The following AGBL1 variants were observed in gnomAD, a reference collection of about 807,000 sequenced individuals.
AGBL1 encodes AGBL carboxypeptidase 1.
In AGBL1, 130 loss-of-function variants were observed where a neutral mutation model predicts 118.9. The observed-to-expected ratio is 1.09, with a 90% confidence interval of 0.95 to 1.26. The LOEUF (loss-of-function observed/expected upper bound fraction) is 1.26, where lower values mean the gene tolerates loss of function less well. Among genes scored for constraint, AGBL1 ranks in the 50% most tolerant of loss-of-function variants. AGBL1 has a pLI of 0.00. For synonymous variants in AGBL1, 555 were observed against 478.9 expected (o/e 1.16, Z -2.08); for missense variants, 1,584 against 1,298.1 (o/e 1.22, Z -3.38).
chr15:86,564,755 CT>C (rs2083886114), intron 21 of AGBL1, among the ~76,000 whole-genome samples: 1 of 152,238 alleles, frequency 6.6e-6, no homozygotes. Context: ...CACCCCATCA[CT>C]TTCAGGTACA....
chr15:86,817,262 A>C (rs2078871676), intron 22 of AGBL1, among the ~76,000 whole-genome samples: 1 of 148,908 alleles, frequency 6.7e-6, no homozygotes, highest in Non-Finnish European at 1.5e-5. Flanking sequence ...ATTGTACTCT[A>C]GCCTGGGATA....
chr15:86,419,203 C>T (rs755003819), intron 18 of AGBL1, among the ~76,000 whole-genome samples: 3 of 151,128 alleles, frequency 2.0e-5, no homozygotes, highest in African/African-American at 7.3e-5. Context: ...CGGTCTATAG[C>T]TCCTACCGAG....
chr15:86,967,014 C>T (rs2081061709), intron 23 of AGBL1, among the ~76,000 whole-genome samples: 1 of 152,098 alleles, frequency 6.6e-6, no homozygotes, highest in African/African-American at 2.4e-5. Context: ...TGATGATGGC[C>T]ATTTTAACTG....
chr15:86,536,199 T>C (rs879642416), intron 19 of AGBL1, among the ~76,000 whole-genome samples: 1 of 152,246 alleles, frequency 6.6e-6, no homozygotes, highest in Non-Finnish European at 1.5e-5. Flanking sequence ...ATTGAATTGC[T>C]TCAGTTTCTT....
chr15:86,257,883 C>A (rs1238180560), intron 8 of AGBL1, 81 bp from the exon 9 acceptor site: 11 of 1,370,256 alleles, frequency 8.0e-6, no homozygotes, highest in Non-Finnish European at 1.1e-5. Flanking sequence ...GAAGAAAGAA[C>A]CACTGTATGG....
intron 23 of AGBL1, among the ~76,000 whole-genome samples, chr15:86,971,495 G>A (rs2081108210): frequency 6.6e-6 from 1 of 151,974 alleles, no homozygotes; most frequent in East Asian, 1.9e-4. Flanking sequence ...CAAGTATGTG[G>A]ATATGGGGAG....
At chr15:86,095,303 C>T (rs191166500) in intron 1 of AGBL1, among the ~76,000 whole-genome samples, 331 of 152,254 alleles carry the variant, frequency 2.2e-3, no homozygotes, top group Admixed American at 3.5e-3. Flanking sequence ...TTACTTTGAT[C>T]TCCAGTCCCT....
At chr15:86,901,455 G>T (rs1369078740) in intron 22 of AGBL1, among the ~76,000 whole-genome samples, 1 of 151,952 alleles carries the variant, frequency 6.6e-6, no homozygotes, top group Non-Finnish European at 1.5e-5. Context: ...CTCTTATAGT[G>T]TAATAGTTTG....
At chr15:86,254,473 T>G (rs751995755) in intron 7 of AGBL1, among the ~76,000 whole-genome samples, 8 of 152,362 alleles carry the variant, frequency 5.3e-5, no homozygotes, top group South Asian at 4.1e-4. Flanking sequence ...CTATGTATCA[T>G]GCAAGTAGGG....
At chr15:86,318,582 C>T (rs771700648) in intron 17 of AGBL1, among the ~76,000 whole-genome samples, 1 of 150,144 alleles carries the variant, frequency 6.7e-6, no homozygotes, top group Non-Finnish European at 1.5e-5. Flanking sequence ...TGTAGTCAAA[C>T]AATGTTAGAG....
intron 22 of AGBL1, among the ~76,000 whole-genome samples, chr15:86,747,683 G>A (rs557068722): frequency 4.6e-5 from 7 of 152,180 alleles, no homozygotes; most frequent in Non-Finnish European, 8.8e-5. Flanking sequence ...CTGTGTCCAT[G>A]TGTTCTCTTT....
intron 22 of AGBL1, among the ~76,000 whole-genome samples, chr15:86,762,091 C>T (rs1350278982): frequency 6.6e-6 from 1 of 152,016 alleles, no homozygotes; most frequent in Non-Finnish European, 1.5e-5. Flanking sequence ...AGCTGGAAGC[C>T]ATTATCCTCA....
At chr15:86,223,638 C>T (rs947736417) in intron 5 of AGBL1, among the ~76,000 whole-genome samples, 10 of 152,110 alleles carry the variant, frequency 6.6e-5, no homozygotes, top group African/African-American at 2.2e-4. Context: ...GCTAGCCTCG[C>T]CCTCTTTTAA....
chr15:86,569,381 C>A (rs936653260), intron 21 of AGBL1, among the ~76,000 whole-genome samples: 3 of 144,422 alleles, frequency 2.1e-5, no homozygotes, highest in Non-Finnish European at 4.5e-5. Context: ...GGCAACAGAG[C>A]AAGACCTGTC....
intron 24 of AGBL1, among the ~76,000 whole-genome samples, chr15:87,005,904 C>T (rs8040663): frequency 0.099 from 15,082 of 152,198 alleles, 1,334 homozygotes; most frequent in African/African-American, 0.23. Context: ...GTTAGTTTTC[C>T]TTTTAACACT....
In AGBL1 at chr15:86,442,218, C is replaced by G. The variant is rs183679542; in HGVS notation, c.2555+44672C>G. On this transcript the variant is annotated intron_variant, in intron 18 of 22. Coordinates refer to ENST00000614907, the MANE Select transcript of AGBL1 (RefSeq NM_001386094.1). ...AGGTCAGAAAAAGAAAACAAAAATC[C>G]CTGGCTTTGAATCTGAGGAGCAGGC... 1.9e-4 allele frequency among the ~76,000 whole-genome samples: 29 copies of G among 152,272 alleles called. 1 individual carries two copies. The East Asian group carries it at 5.2e-3, about 27-fold the overall frequency.
At chr15:86,508,124 A>G (rs1050992598) in intron 18 of AGBL1, among the ~76,000 whole-genome samples, 10 of 150,700 alleles carry the variant, frequency 6.6e-5, no homozygotes, top group African/African-American at 2.2e-4. Flanking sequence ...GGGTTTCACC[A>G]TGTTGGCCAG....
At chr15:86,901,009 T>C (rs1042993927) in intron 22 of AGBL1, among the ~76,000 whole-genome samples, 1 of 152,138 alleles carries the variant, frequency 6.6e-6, no homozygotes, top group African/African-American at 2.4e-5. Flanking sequence ...TTTTCCTCAT[T>C]TTTTAATCCC....
intron 21 of AGBL1, among the ~76,000 whole-genome samples, chr15:86,610,472 T>TG: frequency 6.6e-6 from 1 of 152,304 alleles, no homozygotes; most frequent in South Asian, 2.1e-4. Flanking sequence ...GATGTGAATG[T>TG]GGAATGTACT....
Sources: gnomAD v4.1 joint callset for allele counts (sites outside exome capture counted in the v4.1 genomes callset) on GRCh38, gnomAD v4.1.1 for gene constraint, MANE v1.5 for transcripts, NCBI Gene and HGNC (gene_info 2026-07-23, HGNC 2026-07-21) for gene names.